DLC1: variants seen among roughly 807,000 people sequenced by gnomAD.
The protein encoded by DLC1 is rho GTPase-activating protein 7.
DLC1 carries 54 observed loss-of-function variants against 140.3 expected under a neutral mutation model. The ratio of observed to expected loss-of-function variants is 0.38; its 90% CI spans 0.31 to 0.48. DLC1 has a LOEUF of 0.48. Ranked by LOEUF, DLC1 falls within the 20% of genes least tolerant of loss-of-function variation. DLC1 has a pLI of 0.96. For synonymous variants in DLC1, 986 were observed against 728.1 expected (o/e 1.35, Z -5.70); for missense variants, 2,536 against 1,907.0 (o/e 1.33, Z -6.14).
intron 1 of DLC1, among the ~76,000 whole-genome samples, chr8:13,509,485 T>C (rs1330548535): frequency 6.6e-6 from 1 of 152,216 alleles, no homozygotes; most frequent in African/African-American, 2.4e-5. Flanking sequence ...TATAAATGTT[T>C]GAGCTTATTT....
intron 5 of DLC1, among the ~76,000 whole-genome samples, chr8:13,181,966 GTTC>G (rs1342968744): frequency 4.6e-5 from 7 of 152,162 alleles, no homozygotes; most frequent in Admixed American, 3.3e-4. Flanking sequence ...GTGTAAAAGT[GTTC>G]TTATTTCTCC....
intron 2 of DLC1, among the ~76,000 whole-genome samples, chr8:13,493,405 T>C: frequency 6.6e-6 from 1 of 152,180 alleles, no homozygotes; most frequent in Non-Finnish European, 1.5e-5. Context: ...AATTTATCTT[T>C]TTAATTAAAA....
At chr8:13,461,533 A>G (rs1799657150) in intron 2 of DLC1, among the ~76,000 whole-genome samples, 1 of 152,002 alleles carries the variant, frequency 6.6e-6, no homozygotes, top group Non-Finnish European at 1.5e-5. Context: ...ATTTTTGTTG[A>G]GTTTATCTTC....
intron 4 of DLC1, among the ~76,000 whole-genome samples, chr8:13,360,017 C>A (rs1341595906): frequency 6.6e-6 from 1 of 152,082 alleles, no homozygotes; most frequent in Admixed American, 6.5e-5. Flanking sequence ...TGTTGGATTC[C>A]GCATTATAGT....
chr8:13,576,288 G>T (rs530848891), intron 1 of DLC1, among the ~76,000 whole-genome samples: 3 of 152,302 alleles, frequency 2.0e-5, no homozygotes, highest in Admixed American at 2.0e-4. Context: ...GATTGCTAAA[G>T]CCTCTACAGT....
At chr8:13,307,448 T>A (rs978490493) in intron 4 of DLC1, among the ~76,000 whole-genome samples, 1 of 152,252 alleles carries the variant, frequency 6.6e-6, no homozygotes, top group African/African-American at 2.4e-5. Context: ...GTTTTGGTAA[T>A]GTTTGTTTAC....
chr8:13,405,910 T>TC lies in DLC1; in HGVS notation c.1024-4292dup, dbSNP rs1180831172. Among the ~76,000 whole-genome samples, 684 of 136,530 alleles carry TC rather than the reference T, an allele frequency of 5.0e-3. 12 individuals carry two copies. Among genetic ancestry groups the TC allele is most frequent in the African/African-American group, 0.018 (646 of 35,994 alleles). 89.6% of individuals were successfully genotyped at this position (136,530 alleles called of 152,430 possible). A position where few individuals can be genotyped will look rare whatever the true frequency, so the allele number is the denominator to read the frequency against. On this transcript the variant is annotated intron_variant, in intron 2 of 17. Coordinates refer to ENST00000276297, the MANE Select transcript of DLC1 (RefSeq NM_182643.3). ...TTTTCTTTCTTTCTTTTTCTTTCTT[T>TC]CTTTTCTTTTCTTTCTTTCTTTCTT...
At chr8:13,520,643 T>G (rs1259750469) in intron 1 of DLC1, among the ~76,000 whole-genome samples, 2 of 151,636 alleles carry the variant, frequency 1.3e-5, no homozygotes, top group African/African-American at 4.9e-5. Flanking sequence ...AAAAAGAAAC[T>G]TAGCAAATAA....
chr8:13,244,006 C>G (rs1200700215), intron 5 of DLC1, among the ~76,000 whole-genome samples: 1 of 152,176 alleles, frequency 6.6e-6, no homozygotes, highest in Non-Finnish European at 1.5e-5. Flanking sequence ...AATTCCTCAC[C>G]TGGGGGAACC....
intron 4 of DLC1, among the ~76,000 whole-genome samples, chr8:13,372,930 C>A (rs1416287774): frequency 6.6e-6 from 1 of 152,188 alleles, no homozygotes; most frequent in Non-Finnish European, 1.5e-5. Context: ...CCAGCATCCA[C>A]CAGGGGTTGG....
chr8:13,590,739 G>C (rs1372619442), intron 1 of DLC1, among the ~76,000 whole-genome samples: 1 of 151,922 alleles, frequency 6.6e-6, no homozygotes, highest in African/African-American at 2.4e-5. Flanking sequence ...ATTTTAAATA[G>C]CTTCATGCCT....
intron 2 of DLC1, among the ~76,000 whole-genome samples, chr8:13,467,666 G>A (rs1323403587): frequency 1.3e-5 from 2 of 152,108 alleles, no homozygotes; most frequent in Admixed American, 1.3e-4. Flanking sequence ...AAGAGGTTGA[G>A]GCTGCAATGA....
At chr8:13,552,051 A>G (rs1388472996) in intron 1 of DLC1, among the ~76,000 whole-genome samples, 1 of 141,422 alleles carries the variant, frequency 7.1e-6, no homozygotes, top group Admixed American at 7.3e-5. Flanking sequence ...ATATATATAT[A>G]TACACATATA....
chr8:13,148,661 T>C (rs1286511734), intron 5 of DLC1, among the ~76,000 whole-genome samples: 2 of 152,028 alleles, frequency 1.3e-5, no homozygotes, highest in African/African-American at 2.4e-5. Context: ...GAGGGTTGTT[T>C]TTGTTGTTGT....
intron 5 of DLC1, among the ~76,000 whole-genome samples, chr8:13,153,628 C>G (rs11774055): frequency 0.18 from 28,093 of 152,022 alleles, 2,860 homozygotes; most frequent in African/African-American, 0.24. Flanking sequence ...CTGATTGGTG[C>G]GTTTACAATC....
At chr8:13,214,658 A>T (rs1465694649) in intron 5 of DLC1, 2 of 780,624 alleles carry the variant, frequency 2.6e-6, no homozygotes, top group East Asian at 4.9e-5. Flanking sequence ...GCAACATGGA[A>T]AAGCCTCTTC....
intron 1 of DLC1, among the ~76,000 whole-genome samples, chr8:13,582,882 A>G (rs1805161359): frequency 3.0e-5 from 1 of 33,514 alleles, no homozygotes; most frequent in African/African-American, 1.8e-4. Flanking sequence ...TGTGGTCTAT[A>G]TATATATATA....
chr8:13,142,331 G>C (rs919210402), intron 5 of DLC1, among the ~76,000 whole-genome samples: 1 of 152,208 alleles, frequency 6.6e-6, no homozygotes, highest in African/African-American at 2.4e-5. Context: ...GAAAGGATTA[G>C]ATCTGATCTC....
chr8:13,280,629 A>G (rs929009744), intron 5 of DLC1, among the ~76,000 whole-genome samples: 4 of 152,136 alleles, frequency 2.6e-5, no homozygotes, highest in Non-Finnish European at 5.9e-5. Flanking sequence ...TCTAGGTTCC[A>G]TCTTCTCTGA....
Sources: allele counts gnomAD v4.1 joint callset (sites outside exome capture counted in the v4.1 genomes callset), GRCh38; gene constraint gnomAD v4.1.1; transcripts MANE v1.5; gene names NCBI Gene and HGNC (gene_info 2026-07-23, HGNC 2026-07-21).